The following ADARB2 variants were observed in gnomAD, a reference collection of about 807,000 sequenced individuals.
ADARB2 encodes inactive double-stranded RNA-specific editase B2.
Under a neutral mutation model 62.2 loss-of-function variants are expected in ADARB2, and 25 were observed. The observed-to-expected ratio is 0.40, with a 90% confidence interval of 0.29 to 0.56. The LOEUF (loss-of-function observed/expected upper bound fraction) is 0.56. Ranked by LOEUF, ADARB2 falls within the 20% of genes least tolerant of loss-of-function variation. The pLI, the probability that ADARB2 is intolerant of heterozygous loss-of-function variation, is 0.43. For synonymous variants in ADARB2, 572 were observed against 500.8 expected (o/e 1.14, Z -1.90); for missense variants, 1,071 against 1,077.4 (o/e 0.99, Z 0.08).
At chr10:1,286,273 G>C (rs1335862748) in intron 3 of ADARB2, among the ~76,000 whole-genome samples, 1 of 152,074 alleles carries the variant, frequency 6.6e-6, no homozygotes, top group South Asian at 2.1e-4. Context: ...AACACAAACC[G>C]AAGCCTCCGG....
intron 1 of ADARB2, among the ~76,000 whole-genome samples, chr10:1,687,890 A>T (rs1834616494): frequency 6.6e-6 from 1 of 152,162 alleles, no homozygotes; most frequent in South Asian, 2.1e-4. Flanking sequence ...TAAAGTTGCC[A>T]GTGCGTATAC....
chr10:1,686,220 A>G (rs1450048386), intron 1 of ADARB2, among the ~76,000 whole-genome samples: 1 of 152,232 alleles, frequency 6.6e-6, no homozygotes, highest in South Asian at 2.1e-4. Context: ...TAGCTGGGCC[A>G]TCGATCTGCA....
intron 1 of ADARB2, among the ~76,000 whole-genome samples, chr10:1,495,434 G>A (rs900373473): frequency 6.6e-6 from 1 of 152,152 alleles, no homozygotes; most frequent in Non-Finnish European, 1.5e-5. Flanking sequence ...TATCATAGAG[G>A]TTATTTTGCC....
At chr10:1,295,857 T>C (rs1018875494) in intron 3 of ADARB2, among the ~76,000 whole-genome samples, 2 of 152,206 alleles carry the variant, frequency 1.3e-5, no homozygotes, top group African/African-American at 4.8e-5. Flanking sequence ...CAGACTGTAG[T>C]AGGAAAAGGT....
chr10:1,481,617 T>C lies in ADARB2; in HGVS notation c.101-102457A>G, dbSNP rs142583620. Among the ~76,000 whole-genome samples, 102 of 93,194 alleles carry C rather than the reference T, an allele frequency of 1.1e-3. 1 individual carries two copies. Among genetic ancestry groups the C allele is most frequent in the Admixed American group, 2.3e-3 (17 of 7,242 alleles). 61.1% of individuals were successfully genotyped at this position (93,194 alleles called of 152,430 possible). A position where few individuals can be genotyped will look rare whatever the true frequency, so the allele number is the denominator to read the frequency against. On this transcript the variant is annotated intron_variant, in intron 1 of 9. Coordinates refer to ENST00000381312, the MANE Select transcript of ADARB2 (RefSeq NM_018702.4). ...GCTGGGCACAGTGGCTCACGCATCATCCCAGCTGAAGTGTGCGGATCACGA... is the reference window on the plus strand; with the variant it reads ...GCTGGGCACAGTGGCTCACGCATCACCCCAGCTGAAGTGTGCGGATCACGA...
chr10:1,675,312 C>T lies in ADARB2; in HGVS notation c.100+61739G>A, dbSNP rs1374107734. ...CATGGATGTTCTGGAGGTTTGGGTTCGGGGATGCATGAATGTTCTGGAGGT... is the reference window on the plus strand; with the variant it reads ...CATGGATGTTCTGGAGGTTTGGGTTTGGGGATGCATGAATGTTCTGGAGGT... On this transcript the variant is annotated intron_variant, in intron 1 of 9. Coordinates refer to ENST00000381312, the MANE Select transcript of ADARB2 (RefSeq NM_018702.4). The T allele has an allele frequency of 9.7e-6, 9 of 929,554 alleles. No individual in the cohort carries two copies. In the African/African-American group the frequency reaches 1.3e-4, roughly 13 times the overall value. The allele number at this position is 929,554 out of a possible 1,614,324, so 57.6% of individuals were successfully genotyped here.
Position 1,240,867 on chromosome 10 carries a change from T to C in ADARB2, c.1361+1264A>G, listed in dbSNP as rs182432378. ...TTAGGAGAAATCCTTCCCTACATTC[T>C]GAGATATTTCTGTTCCCCCATATCC... On this transcript the variant is annotated intron_variant, in intron 5 of 9. Coordinates refer to ENST00000381312, the MANE Select transcript of ADARB2 (RefSeq NM_018702.4). 6.6e-3 allele frequency among the ~76,000 whole-genome samples: 1,009 copies of C among 152,328 alleles called. 22 individuals carry two copies. Among genetic ancestry groups the C allele is most frequent in the African/African-American group, 0.023 (964 of 41,578 alleles).
chr10:1,425,381 G>A (rs188603410), intron 1 of ADARB2, among the ~76,000 whole-genome samples: 138 of 152,330 alleles, frequency 9.1e-4, no homozygotes, highest in African/African-American at 3.1e-3. Context: ...GGAGCATAGA[G>A]ACTATGCTTT....
chr10:1,277,949 CTT>C (rs1491242609), intron 3 of ADARB2, among the ~76,000 whole-genome samples: 1 of 149,878 alleles, frequency 6.7e-6, no homozygotes, highest in Non-Finnish European at 1.5e-5. Context: ...TCCTTCCTTC[CTT>C]CCCCTCTTTC....
At chr10:1,568,746 A>C (rs1334864701) in intron 1 of ADARB2, among the ~76,000 whole-genome samples, 1 of 152,158 alleles carries the variant, frequency 6.6e-6, no homozygotes, top group Non-Finnish European at 1.5e-5. Context: ...CCAACTCCTG[A>C]AATGCTGACT....
intron 3 of ADARB2, among the ~76,000 whole-genome samples, chr10:1,326,142 A>C (rs1287369877): frequency 6.6e-6 from 1 of 152,224 alleles, no homozygotes; most frequent in Admixed American, 6.5e-5. Flanking sequence ...AAACTTACCC[A>C]TTTTGGTGTC....
At chr10:1,221,533 C>G (rs1830695176) in intron 6 of ADARB2, among the ~76,000 whole-genome samples, 1 of 151,812 alleles carries the variant, frequency 6.6e-6, no homozygotes, top group Non-Finnish European at 1.5e-5. Context: ...CATCATTTAG[C>G]ATTAGGTATA....
At chr10:1,603,726 C>T (rs1274818275) in intron 1 of ADARB2, among the ~76,000 whole-genome samples, 4 of 148,722 alleles carry the variant, frequency 2.7e-5, no homozygotes, top group African/African-American at 4.9e-5. Context: ...CAAATTTTAT[C>T]GTAAAAAATG....
chr10:1,453,381 A>G (rs1382122443), intron 1 of ADARB2, among the ~76,000 whole-genome samples: 2 of 152,164 alleles, frequency 1.3e-5, no homozygotes, highest in Non-Finnish European at 2.9e-5. Flanking sequence ...GTTTTCTTCT[A>G]AGAAGGTTTT....
At chr10:1,534,848 C>T (rs1832305706) in intron 1 of ADARB2, 1 of 139,202 alleles carries the variant, frequency 7.2e-6, no homozygotes, top group Admixed American at 8.9e-5. Context: ...CGGCACTCCC[C>T]AGACAGGCCC....
intron 1 of ADARB2, among the ~76,000 whole-genome samples, chr10:1,380,203 C>T (rs1832470634): frequency 6.6e-6 from 1 of 152,224 alleles, no homozygotes; most frequent in African/African-American, 2.4e-5. Flanking sequence ...GAACCTGGAC[C>T]ACACTGATTA....
chr10:1,500,146 G>A (rs1831748150), intron 1 of ADARB2, among the ~76,000 whole-genome samples: 1 of 152,212 alleles, frequency 6.6e-6, no homozygotes, highest in Admixed American at 6.5e-5. Flanking sequence ...TGTCAGGCCT[G>A]GGTCCCTGCT....
At chr10:1,445,438 T>C (rs1830958580) in intron 1 of ADARB2, among the ~76,000 whole-genome samples, 1 of 139,646 alleles carries the variant, frequency 7.2e-6, no homozygotes, top group Admixed American at 7.1e-5. Flanking sequence ...TCCACGCATC[T>C]ATCCATCCAT....
At chr10:1,447,420 G>T (rs909686408) in intron 1 of ADARB2, among the ~76,000 whole-genome samples, 1 of 152,194 alleles carries the variant, frequency 6.6e-6, no homozygotes, top group Non-Finnish European at 1.5e-5. Context: ...GCTCTCAGGT[G>T]TGGGGAGAAA....
Sources: gnomAD v4.1 joint callset for allele counts (sites outside exome capture counted in the v4.1 genomes callset) on GRCh38, gnomAD v4.1.1 for gene constraint, MANE v1.5 for transcripts, NCBI Gene and HGNC (gene_info 2026-07-23, HGNC 2026-07-21) for gene names.